Variants in SLC44A5 observed in about 807,000 individuals in gnomAD.
SLC44A5 encodes the protein choline transporter-like protein 5.
Under a neutral mutation model 101.8 loss-of-function variants are expected in SLC44A5, and 57 were observed. The ratio of observed to expected loss-of-function variants is 0.56; its 90% CI spans 0.45 to 0.70. The LOEUF (loss-of-function observed/expected upper bound fraction) is 0.70. Ranked by LOEUF, SLC44A5 falls within the 30% of genes least tolerant of loss-of-function variation. SLC44A5 has a pLI of 0.00. For missense variants in SLC44A5, 737 were observed against 853.1 expected, an observed-to-expected ratio of 0.86 and a Z score of 1.70; for synonymous variants, 281 against 290.9, an observed-to-expected ratio of 0.97 and a Z score of 0.35.
the SLC44A5 span, among the ~76,000 whole-genome samples, chr1:75,695,350 G>A: frequency 1.3e-5 from 2 of 152,140 alleles, no homozygotes; most frequent in African/African-American, 4.8e-5. Context: ...AAATATATCA[G>A]ATAACGCCAA....
the SLC44A5 span, among the ~76,000 whole-genome samples, chr1:75,682,830 G>T: frequency 6.6e-6 from 1 of 152,050 alleles, no homozygotes; most frequent in Non-Finnish European, 1.5e-5. Context: ...CCTACAAAAT[G>T]GGAGAAAATT....
intron 7 of SLC44A5, among the ~76,000 whole-genome samples, chr1:75,244,548 T>C (rs1290009705): frequency 6.6e-6 from 1 of 152,048 alleles, no homozygotes; most frequent in Non-Finnish European, 1.5e-5. Context: ...TTTATCACCA[T>C]AAGAAACTAA....
At chr1:75,479,425 G>C (rs1167201922) in intron 2 of SLC44A5, among the ~76,000 whole-genome samples, 5 of 151,994 alleles carry the variant, frequency 3.3e-5, no homozygotes, top group African/African-American at 4.8e-5. Flanking sequence ...AGGAAATAGA[G>C]ACACAAAAAA....
Position 75,259,396 on chromosome 1 carries a change from T to C in SLC44A5, c.261-8102A>G, listed in dbSNP as rs140178051. On this transcript the variant is annotated intron_variant, in intron 6 of 23. Coordinates refer to ENST00000370859, the MANE Select transcript of SLC44A5 (RefSeq NM_001130058.2). ...TTCGCAAAGCATACACAAGTATCAA[T>C]AGCAGAATCGATCAAGTGGAAGAAA... Among the ~76,000 whole-genome samples, 138 of 152,208 alleles carry C rather than the reference T, an allele frequency of 9.1e-4. 3 individuals carry two copies. The East Asian group carries it at 0.021, about 23-fold the overall frequency.
the SLC44A5 span, among the ~76,000 whole-genome samples, chr1:75,698,007 C>A: frequency 1.3e-5 from 2 of 152,292 alleles, no homozygotes; most frequent in Admixed American, 1.3e-4. Flanking sequence ...GTCCTATGCC[C>A]ACGGAGTCTC....
chr1:75,260,686 T>C (rs1250157074), intron 6 of SLC44A5, among the ~76,000 whole-genome samples: 1 of 152,112 alleles, frequency 6.6e-6, no homozygotes, highest in African/African-American at 2.4e-5. Context: ...AATAGACATC[T>C]ACAAAACTCT....
At chr1:75,510,939 G>A (rs1669534207) in intron 2 of SLC44A5, among the ~76,000 whole-genome samples, 1 of 152,124 alleles carries the variant, frequency 6.6e-6, no homozygotes, top group Non-Finnish European at 1.5e-5. Context: ...TTAGGAGATC[G>A]AGACCATCCT....
chr1:75,633,426 G>A, the SLC44A5 span, among the ~76,000 whole-genome samples: 1 of 152,080 alleles, frequency 6.6e-6, no homozygotes, highest in Non-Finnish European at 1.5e-5. Flanking sequence ...TCCTTGAAGA[G>A]GTCCTTCATG....
chr1:75,227,795 T>C lies in SLC44A5; in HGVS notation c.916A>G (p.Ile306Val). Residue 306 changes from isoleucine to valine, a missense_variant, in exon 13 of 24, where the codon ATC (isoleucine) becomes GTC (valine). Around this residue, in one of 3 missense-constraint regions of SLC44A5, gnomAD observed 665 missense variants for 764.4 expected, o/e 0.87. Transcript: ENST00000370859. Reference sequence around the variant, plus strand: ...TTAGTCTGAATCCCGATGTCATAGATAGTTAATACAGAACTTGGGCGTTCC... The same window carrying C: ...TTAGTCTGAATCCCGATGTCATAGACAGTTAATACAGAACTTGGGCGTTCC... ...LQERPSSVLT[I>V]YDIGIQTNIS... is the part of the protein sequence containing the mutation. The C allele has an allele frequency of 6.3e-7, 1 of 1,596,832 alleles. No individual in the cohort carries two copies.
chr1:75,453,255 G>T (rs753482320), intron 2 of SLC44A5, among the ~76,000 whole-genome samples: 9 of 151,952 alleles, frequency 5.9e-5, no homozygotes, highest in Non-Finnish European at 1.3e-4. Context: ...CAATTACATA[G>T]AAATTAAACA....
chr1:75,657,933 G>A, the SLC44A5 span, among the ~76,000 whole-genome samples: 1 of 151,860 alleles, frequency 6.6e-6, no homozygotes, highest in East Asian at 1.9e-4. Flanking sequence ...TCAGAATTAA[G>A]CTACAGTCTA....
At chr1:75,640,606 G>A in the SLC44A5 span, among the ~76,000 whole-genome samples, 15 of 152,048 alleles carry the variant, frequency 9.9e-5, no homozygotes, top group South Asian at 2.9e-3. Flanking sequence ...TCTCTCTGGG[G>A]GAAATTTTGA....
the SLC44A5 span, among the ~76,000 whole-genome samples, chr1:75,682,500 G>A: frequency 1.3e-5 from 2 of 151,838 alleles, no homozygotes; most frequent in African/African-American, 2.4e-5. Context: ...AACAAGCAAT[G>A]GGGAAAGGAT....
At chr1:75,329,338 AAC>A (rs1656848973) in intron 4 of SLC44A5, among the ~76,000 whole-genome samples, 1 of 152,152 alleles carries the variant, frequency 6.6e-6, no homozygotes, top group African/African-American at 2.4e-5. Context: ...CCCAATCTGC[AAC>A]ACATACCTCC....
chr1:75,494,901 G>A (rs1292011334), intron 2 of SLC44A5, among the ~76,000 whole-genome samples: 2 of 152,116 alleles, frequency 1.3e-5, no homozygotes, highest in Non-Finnish European at 2.9e-5. Flanking sequence ...TCTAGGGAAT[G>A]GATCCTATCT....
intron 2 of SLC44A5, among the ~76,000 whole-genome samples, chr1:75,485,966 A>T (rs904762028): frequency 1.1e-4 from 16 of 152,174 alleles, no homozygotes; most frequent in Non-Finnish European, 1.9e-4. Flanking sequence ...CCATGATCCA[A>T]TCATCTCCCA....
At chr1:75,459,350 T>C (rs768378417) in intron 2 of SLC44A5, among the ~76,000 whole-genome samples, 5 of 152,212 alleles carry the variant, frequency 3.3e-5, no homozygotes, top group Non-Finnish European at 4.4e-5. Flanking sequence ...TAAAAATTTA[T>C]CCATTTTTTG....
rs753382686 is a variant in SLC44A5 at position 75,213,806 on chromosome 1, G to T, written c.1874-13C>A. On this transcript the variant is annotated splice_polypyrimidine_tract_variant and intron_variant, in intron 21 of 23. Transcript: ENST00000370859. ...AAGGCCAGAACACCTACATTGAAAA[G>T]GTAGAACATGTATATTATACTTTTG... 2 of 1,591,002 alleles carry T rather than the reference G, an allele frequency of 1.3e-6. No individual in the cohort carries two copies. The highest frequency in any genetic ancestry group is 1.1e-5 in the South Asian group (1 of 90,472).
At chr1:75,236,536 A>G (rs1456855598) in intron 11 of SLC44A5, among the ~76,000 whole-genome samples, 1 of 152,036 alleles carries the variant, frequency 6.6e-6, no homozygotes, top group Non-Finnish European at 1.5e-5. Flanking sequence ...TATGATGAAT[A>G]CCAATCATTA....
Sources: allele counts gnomAD v4.1 joint callset (sites outside exome capture counted in the v4.1 genomes callset), GRCh38; gene constraint gnomAD v4.1.1; regional missense constraint gnomAD v4.1.1; transcripts MANE v1.5; gene names NCBI Gene and HGNC (gene_info 2026-07-23, HGNC 2026-07-21).